RIMBP2: variants seen among roughly 807,000 people sequenced by gnomAD.
The protein encoded by RIMBP2 is RIMS-binding protein 2.
Under a neutral mutation model 118.6 loss-of-function variants are expected in RIMBP2, and 48 were observed. The observed-to-expected ratio is 0.40, with a 90% CI of 0.32 to 0.51. The LOEUF (loss-of-function observed/expected upper bound fraction) is 0.51. RIMBP2 is among the 20% of genes least tolerant of loss of function. The probability of loss-of-function intolerance (pLI) is 0.41; values close to 1 mark genes in which losing one functional copy is unlikely to be tolerated. For synonymous variants in RIMBP2, 762 were observed against 742.9 expected (o/e 1.03, Z -0.42); for missense variants, 1,551 against 1,768.3 (o/e 0.88, Z 2.20).
intron 2 of RIMBP2, among the ~76,000 whole-genome samples, chr12:130,539,762 C>A (rs1352630631): frequency 1.4e-5 from 1 of 73,030 alleles, no homozygotes; most frequent in African/African-American, 5.6e-5. Context: ...CAAATGCAGT[C>A]CATGAAGTGG....
chr12:130,671,795 C>T (rs11061074), intron 1 of RIMBP2, among the ~76,000 whole-genome samples: 1 of 151,604 alleles, frequency 6.6e-6, no homozygotes. Flanking sequence ...TTGAGAACCG[C>T]TGGTTTAATG....
chr12:130,679,139 A>C (rs2064649180), intron 1 of RIMBP2, among the ~76,000 whole-genome samples: 1 of 152,234 alleles, frequency 6.6e-6, no homozygotes, highest in African/African-American at 2.4e-5. Flanking sequence ...GGGTTATAGA[A>C]TCTAGAAGAA....
At chr12:130,548,519 T>C (rs2055390730) in intron 2 of RIMBP2, among the ~76,000 whole-genome samples, 2 of 152,174 alleles carry the variant, frequency 1.3e-5, no homozygotes, top group South Asian at 2.1e-4. Flanking sequence ...ATCTCTGATC[T>C]TTCCCAGGAG....
At chr12:130,580,261 C>T (rs2058375987) in intron 2 of RIMBP2, among the ~76,000 whole-genome samples, 1 of 151,856 alleles carries the variant, frequency 6.6e-6, no homozygotes, top group Admixed American at 6.6e-5. Context: ...CAAATCTCAC[C>T]TTGAATTGTA....
chr12:130,405,693 G>C (rs1374163486), intron 21 of RIMBP2, among the ~76,000 whole-genome samples: 2 of 151,904 alleles, frequency 1.3e-5, no homozygotes, highest in Middle Eastern at 3.4e-3. Flanking sequence ...GGGGTGGGGG[G>C]TTCCAAGCTG....
At chr12:130,402,974 A>C (rs1297784221) in intron 21 of RIMBP2, among the ~76,000 whole-genome samples, 1 of 152,182 alleles carries the variant, frequency 6.6e-6, no homozygotes, top group African/African-American at 2.4e-5. Context: ...TAAATTATGA[A>C]ATAGCAAAAG....
At chr12:130,650,700 T>C (rs2136269980) in intron 1 of RIMBP2, among the ~76,000 whole-genome samples, 1 of 152,322 alleles carries the variant, frequency 6.6e-6, no homozygotes. Context: ...TGAAGACCCC[T>C]TTCCACCAAC....
intron 21 of RIMBP2, among the ~76,000 whole-genome samples, chr12:130,404,577 G>A (rs942173718): frequency 2.0e-5 from 3 of 152,176 alleles, no homozygotes; most frequent in Non-Finnish European, 2.9e-5. Context: ...CACCGTGCCC[G>A]GCCGTTGGAT....
intron 13 of RIMBP2, among the ~76,000 whole-genome samples, chr12:130,436,200 C>A (rs189060984): frequency 1.3e-4 from 20 of 152,320 alleles, no homozygotes; most frequent in Admixed American, 2.6e-4. Flanking sequence ...CAAAAACGCA[C>A]GTCCCGTTGT....
chr12:130,562,707 G>A (rs185734200), intron 2 of RIMBP2, among the ~76,000 whole-genome samples: 19 of 152,342 alleles, frequency 1.2e-4, no homozygotes, highest in Admixed American at 1.2e-3. Flanking sequence ...CTACAAGGGT[G>A]GGGCCTTGGA....
intron 2 of RIMBP2, among the ~76,000 whole-genome samples, chr12:130,583,765 C>A: frequency 1.2e-5 from 1 of 82,740 alleles, no homozygotes; most frequent in Non-Finnish European, 2.5e-5. Context: ...CCCCCATCAC[C>A]TCATCACCAC....
chr12:130,441,949 TTA>T lies in RIMBP2; in HGVS notation c.1401_1402del (p.Tyr467Ter). ...GTGGGGTTTGGCCAGAACCTTCACC[TTA>T]TAGGCCATGTTGGGCCTGAGATTGA... On this transcript the variant is annotated stop_gained and frameshift_variant, in exon 11 of 23. Transcript: ENST00000690449. LOFTEE classifies it high-confidence loss of function. 1 of 1,614,090 alleles carries T rather than the reference TTA, an allele frequency of 6.2e-7. No homozygotes were observed. Among genetic ancestry groups the T allele is most frequent in the Non-Finnish European group, 8.5e-7 (1 of 1,180,046 alleles).
rs1029011550 is a variant in RIMBP2, at chr12:130,431,163, T to TTTCA, written c.2254-2830_2254-2827dup. On this transcript the variant is annotated intron_variant, in intron 14 of 22. Coordinates refer to ENST00000690449, the MANE Select transcript of RIMBP2 (RefSeq NM_001393629.1). This position sits in a 1 kb window ranked among gnomAD's most constrained non-coding sequence, Gnocchi z 4.0. ...TCCCAGCTACTCTCAGCCTCCCTTC[T>TTTCA]TTCATTCATTCATTCGACAAACATT... is the stretch of plus-strand genomic sequence containing the variant. 1.3e-5 allele frequency among the ~76,000 whole-genome samples: 2 copies of TTTCA among 152,232 alleles called. No homozygotes were observed. Among genetic ancestry groups the TTTCA allele is most frequent in the Non-Finnish European group, 2.9e-5 (2 of 68,040 alleles).
chr12:130,404,458 C>T (rs906718717), intron 21 of RIMBP2, among the ~76,000 whole-genome samples: 3 of 152,110 alleles, frequency 2.0e-5, no homozygotes, highest in Admixed American at 6.5e-5. Context: ...CCACCACGCC[C>T]GGCTAATTCT....
intron 2 of RIMBP2, among the ~76,000 whole-genome samples, chr12:130,520,153 C>T (rs769716914): frequency 2.0e-5 from 3 of 152,146 alleles, no homozygotes; most frequent in Non-Finnish European, 2.9e-5. Context: ...GAAATGCTTA[C>T]ATCTATTTAT....
At chr12:130,696,348 T>C (rs2136706956) in intron 1 of RIMBP2, among the ~76,000 whole-genome samples, 1 of 152,344 alleles carries the variant, frequency 6.6e-6, no homozygotes, top group Non-Finnish European at 1.5e-5. Flanking sequence ...TTTCTATACA[T>C]CAGTCATTCA....
At chr12:130,423,424 A>G (rs2076544244) in intron 16 of RIMBP2, among the ~76,000 whole-genome samples, 1 of 152,218 alleles carries the variant, frequency 6.6e-6, no homozygotes, top group Non-Finnish European at 1.5e-5. Context: ...CGCCATGTGG[A>G]TGGCTCACCT....
intron 1 of RIMBP2, among the ~76,000 whole-genome samples, chr12:130,705,693 A>C (rs1199415980): frequency 6.6e-6 from 1 of 152,244 alleles, no homozygotes; most frequent in Admixed American, 6.5e-5. Flanking sequence ...TGGGTATGGC[A>C]GGAGTGAACT....
intron 1 of RIMBP2, chr12:130,668,340 T>G (rs1252716327): frequency 2.0e-5 from 3 of 152,268 alleles, no homozygotes; most frequent in East Asian, 1.9e-4. Flanking sequence ...CTCAATGTCC[T>G]AATTTTACAG....
Sources: gnomAD v4.1 joint callset for allele counts (sites outside exome capture counted in the v4.1 genomes callset) on GRCh38, gnomAD v4.1.1 for gene constraint, Gnocchi (gnomAD v3.1) non-coding constraint, MANE v1.5 for transcripts, NCBI Gene and HGNC (gene_info 2026-07-23, HGNC 2026-07-21) for gene names.